Variants in MCM5 observed in about 807,000 individuals in gnomAD.
The protein encoded by MCM5 is DNA replication licensing factor MCM5.
A neutral mutation model predicts 79.9 loss-of-function variants in MCM5; 46 were observed. The observed-to-expected ratio is 0.58, with a 90% CI of 0.45 to 0.74. The LOEUF (loss-of-function observed/expected upper bound fraction) is 0.74, where lower values mean the gene tolerates loss of function less well. Among genes scored for constraint, MCM5 ranks in the 30% least tolerant of loss-of-function variants. MCM5 has a pLI of 0.00. For synonymous variants in MCM5, 404 were observed against 390.5 expected (o/e 1.03, Z -0.41); for missense variants, 883 against 1,017.0 (o/e 0.87, Z 1.79).
chr22:35,433,075 C>G, the MCM5 span, among the ~76,000 whole-genome samples: 42 of 152,236 alleles, frequency 2.8e-4, no homozygotes, highest in Admixed American at 2.6e-3. Context: ...GCTGGGACTA[C>G]AGGCATGCAC....
At chr22:35,421,751 C>G (rs1047675541) in intron 15 of MCM5, 1 of 459,108 alleles carries the variant, frequency 2.2e-6, no homozygotes, top group East Asian at 4.4e-5. Context: ...AGTTGATGCT[C>G]TGCTTCCTAG....
chr22:35,404,650 C>T (rs1014736896), intron 4 of MCM5, among the ~76,000 whole-genome samples: 8 of 152,216 alleles, frequency 5.3e-5, no homozygotes, highest in Admixed American at 2.6e-4. Context: ...GTGATGGTCA[C>T]TTTATTGTAA....
chr22:35,434,828 C>T, the MCM5 span, among the ~76,000 whole-genome samples: 1 of 152,110 alleles, frequency 6.6e-6, no homozygotes, highest in Admixed American at 6.5e-5. Flanking sequence ...CCCGACAATG[C>T]TTTGGGTGGG....
the MCM5 span, among the ~76,000 whole-genome samples, chr22:35,436,180 A>T: frequency 4.1e-4 from 18 of 43,588 alleles, no homozygotes; most frequent in Admixed American, 5.0e-3. Context: ...AAAAAAAAAA[A>T]AAAGAAAAAA....
At position 35,403,538 on chromosome 22, in the gene MCM5, T is replaced by C; in HGVS notation, c.419T>C (p.Leu140Pro). ...GCCAGCCCTTCCAGCATTCGTAGCCTGAAGGTGGGTCGGAGGGCAGTGGCT... is the reference window on the plus strand; with the variant it reads ...GCCAGCCCTTCCAGCATTCGTAGCCCGAAGGTGGGTCGGAGGGCAGTGGCT... ...SDASPSSIRS[L>P]KSDMMSHLVK... Residue 140 changes from leucine to proline, a missense_variant, in exon 4 of 17, where the codon CTG (leucine) becomes CCG (proline). This residue lies in a region of MCM5 where 455 missense variants were observed against 517.5 expected (regional missense o/e 0.88). Coordinates refer to ENST00000216122, the MANE Select transcript of MCM5 (RefSeq NM_006739.4). The C allele has an allele frequency of 6.2e-7, 1 of 1,613,466 alleles. No individual in the cohort carries two copies. The highest frequency in any genetic ancestry group is 8.5e-7 in the Non-Finnish European group (1 of 1,180,006).
At position 35,400,140 on chromosome 22, in the gene MCM5, C is replaced by A; in HGVS notation, c.-77C>A. On this transcript the variant is annotated 5_prime_UTR_variant, in exon 1 of 17. Coordinates refer to ENST00000216122, the MANE Select transcript of MCM5 (RefSeq NM_006739.4). ...GTCCGAACACCGCCTCTTGTTTTTC[C>A]CGCGAAACTCGGCGGCTGAGCGTGG... The A allele has an allele frequency of 2.6e-6, 1 of 390,338 alleles. No individual in the cohort carries two copies. The highest frequency in any genetic ancestry group is 4.8e-6 in the Non-Finnish European group (1 of 209,412). The allele number at this position is 390,338 out of a possible 1,614,324, so 24.2% of individuals were successfully genotyped here. A position where few individuals can be genotyped will look rare whatever the true frequency, so the allele number is the denominator to read the frequency against.
the MCM5 span, among the ~76,000 whole-genome samples, chr22:35,439,128 C>T: frequency 6.6e-6 from 1 of 152,082 alleles, no homozygotes; most frequent in Non-Finnish European, 1.5e-5. Flanking sequence ...CATATCCATC[C>T]ATCCATCCAC....
the MCM5 span, among the ~76,000 whole-genome samples, chr22:35,448,982 A>ACTT: frequency 6.6e-6 from 1 of 152,334 alleles, no homozygotes; most frequent in Non-Finnish European, 1.5e-5. Context: ...GGCCAAAGCA[A>ACTT]GCCTCATGGT....
At chr22:35,451,671 C>G in the MCM5 span, among the ~76,000 whole-genome samples, 1 of 152,238 alleles carries the variant, frequency 6.6e-6, no homozygotes, top group Admixed American at 6.5e-5. Flanking sequence ...TTTGTTAACT[C>G]GTCTGTCCTT....
the MCM5 span, among the ~76,000 whole-genome samples, chr22:35,452,864 C>T: frequency 2.0e-5 from 3 of 152,210 alleles, no homozygotes; most frequent in South Asian, 4.2e-4. Context: ...CTGTGTGTCC[C>T]GTCCGCCTTG....
Position 35,415,869 on chromosome 22 carries a change from C to T in MCM5, c.1244C>T (p.Thr415Ile). The part of the protein sequence containing the change: ...SGKGSSAAGL[T>I]ASVMRDPSSR... ...AAAGGCAGCAGCGCAGCTGGACTGACAGCCTCGGTGATGAGGGACCCTTCG... is the reference window on the plus strand; with the variant it reads ...AAAGGCAGCAGCGCAGCTGGACTGATAGCCTCGGTGATGAGGGACCCTTCG... Residue 415 changes from threonine (T) to isoleucine (I), a missense_variant, in exon 10 of 17, where the codon ACA becomes ATA. Thr to Ile is a moderately conservative substitution (Grantham distance 89, BLOSUM62 -1). Transcript: ENST00000216122. 6.2e-7 allele frequency: 1 copy of T among 1,614,008 alleles called. No individual in the cohort carries two copies. The highest frequency in any genetic ancestry group is 8.5e-7 in the Non-Finnish European group (1 of 1,180,028).
At position 35,410,739 on chromosome 22, in the gene MCM5, C is replaced by T. The variant is rs774807824; in HGVS notation, c.753-5C>T. 3 of 1,613,904 alleles carry T rather than the reference C, an allele frequency of 1.9e-6. No homozygotes were observed. The highest frequency in any genetic ancestry group is 3.3e-5 in the Admixed American group (2 of 60,026). On this transcript the variant is annotated splice_region_variant and splice_polypyrimidine_tract_variant and intron_variant, in intron 6 of 16. Coordinates refer to ENST00000216122, the MANE Select transcript of MCM5 (RefSeq NM_006739.4). ...TTTCTCCTTTCTCCTCTACCCTCCT[C>T]TCAGGTACCTGTGTGACAAGGTCGT...
At chr22:35,444,400 T>C in the MCM5 span, among the ~76,000 whole-genome samples, 1 of 152,164 alleles carries the variant, frequency 6.6e-6, no homozygotes, top group Non-Finnish European at 1.5e-5. Flanking sequence ...CCAGGTGCTG[T>C]CTGCAGCCAG....
chr22:35,439,626 C>T, the MCM5 span, among the ~76,000 whole-genome samples: 2 of 152,190 alleles, frequency 1.3e-5, no homozygotes, highest in Admixed American at 6.5e-5. Flanking sequence ...TCCTTTCCTC[C>T]CTCCCTGCCT....
chr22:35,400,333 C>T, intron 1 of MCM5, 98 bp from the exon 2 acceptor site: 1 of 1,372,512 alleles, frequency 7.3e-7, no homozygotes, highest in Non-Finnish European at 1.0e-6. Flanking sequence ...GGCCGGGGGT[C>T]CCCCTGCTCC....
chr22:35,435,007 T>C, the MCM5 span, among the ~76,000 whole-genome samples: 1 of 152,034 alleles, frequency 6.6e-6, no homozygotes, highest in Non-Finnish European at 1.5e-5. Flanking sequence ...AAAAATTAGC[T>C]GGGTATGGTG....
At chr22:35,401,541 G>C in intron 2 of MCM5, 5 of 467,938 alleles carry the variant, frequency 1.1e-5, no homozygotes, top group South Asian at 7.8e-5. Context: ...AAAATGCAGA[G>C]AACATGAGGT....
At chr22:35,417,604 A>G in intron 12 of MCM5, 140 bp from the exon 13 acceptor site, 2 of 672,080 alleles carry the variant, frequency 3.0e-6, no homozygotes, top group Non-Finnish European at 5.4e-6. Flanking sequence ...AAACAGGCTG[A>G]GCACGCCTGA....
the MCM5 span, among the ~76,000 whole-genome samples, chr22:35,431,041 C>T: frequency 2.6e-5 from 4 of 152,306 alleles, no homozygotes; most frequent in African/African-American, 7.2e-5. Context: ...CGCACCCACC[C>T]GGCCTGGCCT....
Sources: gnomAD v4.1 joint callset for allele counts (sites outside exome capture counted in the v4.1 genomes callset) on GRCh38, gnomAD v4.1.1 for gene constraint, gnomAD v4.1.1 regional missense constraint, MANE v1.5 for transcripts, NCBI Gene and HGNC (gene_info 2026-07-23, HGNC 2026-07-21) for gene names.